CDH18: variants seen among roughly 807,000 people sequenced by gnomAD.
CDH18 encodes cadherin 18.
In CDH18, 31 loss-of-function variants were observed where a neutral mutation model predicts 67.9. The ratio of observed to expected loss-of-function variants is 0.46; its 90% CI spans 0.34 to 0.62. The LOEUF (loss-of-function observed/expected upper bound fraction) is 0.62. Among genes scored for constraint, CDH18 ranks in the 20% least tolerant of loss-of-function variants. The probability of loss-of-function intolerance (pLI) is 0.01; values close to 1 mark genes in which losing one functional copy is unlikely to be tolerated. For missense variants in CDH18, 890 were observed against 975.5 expected (o/e 0.91, Z 1.17); for synonymous variants, 362 against 347.2 (o/e 1.04, Z -0.48).
At chr5:19,738,127 C>T (rs1768601731) in intron 4 of CDH18, among the ~76,000 whole-genome samples, 1 of 151,906 alleles carries the variant, frequency 6.6e-6, no homozygotes, top group African/African-American at 2.4e-5. Flanking sequence ...TTATTTATTA[C>T]CTATTTAGTT....
chr5:20,475,957 T>C (rs1752410894), intron 1 of CDH18, among the ~76,000 whole-genome samples: 1 of 152,126 alleles, frequency 6.6e-6, no homozygotes, highest in Non-Finnish European at 1.5e-5. Flanking sequence ...TCACAATAGT[T>C]TCAGGAGTCT....
chr5:20,537,648 A>C (rs1041431884), intron 1 of CDH18, among the ~76,000 whole-genome samples: 2 of 152,166 alleles, frequency 1.3e-5, no homozygotes, highest in African/African-American at 4.8e-5. Flanking sequence ...TAAAAAACTC[A>C]AAGTCTTACT....
chr5:20,137,571 G>A (rs1231554496), intron 2 of CDH18, among the ~76,000 whole-genome samples: 1 of 151,978 alleles, frequency 6.6e-6, no homozygotes, highest in East Asian at 1.9e-4. Flanking sequence ...CTGATCTTCT[G>A]AGGCCTACTT....
rs977688368 is a variant in CDH18, at chr5:20,453,984, C to G, written c.-580+121478G>C. Among the ~76,000 whole-genome samples the G allele has an allele frequency of 3.9e-5, 6 of 152,170 alleles. No individual in the cohort carries two copies. In the East Asian group the frequency reaches 1.2e-3, roughly 29 times the overall value. On this transcript the variant is annotated intron_variant, in intron 1 of 14. Transcript: ENST00000507958. ...TGAATGAGGCAAATAAGTCAGACTA[C>G]TGTTATGGAAAAGACTATATGCTCT...
chr5:20,168,274 T>A (rs1736448938), intron 2 of CDH18, among the ~76,000 whole-genome samples: 1 of 152,174 alleles, frequency 6.6e-6, no homozygotes, highest in South Asian at 2.1e-4. Context: ...AAAATTATTA[T>A]AATCTACCTT....
chr5:19,764,953 A>T (rs1205692062), intron 3 of CDH18, among the ~76,000 whole-genome samples: 1 of 152,126 alleles, frequency 6.6e-6, no homozygotes, highest in Non-Finnish European at 1.5e-5. Context: ...AGGCCATTTC[A>T]TCAAGTTTTC....
At chr5:20,304,938 T>C (rs1736288497) in intron 1 of CDH18, 8 of 1,613,658 alleles carry the variant, frequency 5.0e-6, no homozygotes, top group Middle Eastern at 1.7e-4. Flanking sequence ...CGTGCTTCAC[T>C]ATCCAATCCC....
intron 2 of CDH18, among the ~76,000 whole-genome samples, chr5:20,070,512 G>A (rs1046512799): frequency 2.6e-5 from 4 of 152,048 alleles, no homozygotes; most frequent in Non-Finnish European, 4.4e-5. Flanking sequence ...TAACCAGAGC[G>A]GTATTAGGGA....
chr5:20,077,929 T>A (rs761563350), intron 2 of CDH18, among the ~76,000 whole-genome samples: 5 of 152,140 alleles, frequency 3.3e-5, no homozygotes, highest in Non-Finnish European at 5.9e-5. Context: ...TAAATTAAAT[T>A]AAATTTATTT....
At chr5:20,157,887 T>G (rs377140388) in intron 2 of CDH18, among the ~76,000 whole-genome samples, 29 of 152,026 alleles carry the variant, frequency 1.9e-4, no homozygotes, top group South Asian at 6.2e-4. Flanking sequence ...TGATCTGCCC[T>G]CCTTGGCCTC....
chr5:20,409,742 T>C (rs113969639), intron 1 of CDH18, among the ~76,000 whole-genome samples: 2 of 151,548 alleles, frequency 1.3e-5, no homozygotes, highest in African/African-American at 4.8e-5. Flanking sequence ...AAAGTTGACA[T>C]ATCCTTAGCT....
chr5:19,805,124 TA>T (rs1306270924), intron 3 of CDH18, among the ~76,000 whole-genome samples: 1 of 151,956 alleles, frequency 6.6e-6, no homozygotes, highest in African/African-American at 2.4e-5. Context: ...TTTTTGTATT[TA>T]TTGAGGAGAT....
intron 1 of CDH18, among the ~76,000 whole-genome samples, chr5:20,459,642 G>A (rs1198434257): frequency 6.6e-6 from 1 of 152,102 alleles, no homozygotes; most frequent in African/African-American, 2.4e-5. Flanking sequence ...GATGGGCTCT[G>A]GGCATGTTTT....
intron 2 of CDH18, among the ~76,000 whole-genome samples, chr5:20,115,927 T>C (rs1747870796): frequency 1.3e-5 from 2 of 152,094 alleles, no homozygotes; most frequent in African/African-American, 4.8e-5. Context: ...TGAGTAAAAT[T>C]CTTCAATTCT....
intron 2 of CDH18, among the ~76,000 whole-genome samples, chr5:20,006,372 C>T (rs1430145042): frequency 6.6e-6 from 1 of 151,662 alleles, no homozygotes; most frequent in African/African-American, 2.4e-5. Flanking sequence ...ATATTTTCTA[C>T]CAAAAGAATT....
At chr5:20,115,976 G>A (rs1159553648) in intron 2 of CDH18, among the ~76,000 whole-genome samples, 1 of 152,108 alleles carries the variant, frequency 6.6e-6, no homozygotes, top group Non-Finnish European at 1.5e-5. Flanking sequence ...TAAGTATTAG[G>A]TTGGTGCAAA....
intron 3 of CDH18, among the ~76,000 whole-genome samples, chr5:19,821,180 T>C (rs1779831121): frequency 6.6e-6 from 1 of 151,950 alleles, no homozygotes; most frequent in African/African-American, 2.4e-5. Flanking sequence ...CAAGAGAAAG[T>C]TGAAACCCAA....
intron 1 of CDH18, among the ~76,000 whole-genome samples, chr5:20,411,951 A>C: frequency 6.6e-6 from 1 of 152,192 alleles, no homozygotes; most frequent in East Asian, 1.9e-4. Flanking sequence ...TAAAATAGTC[A>C]TACTGCTGAA....
At chr5:20,227,764 A>AG (rs1381213611) in intron 2 of CDH18, among the ~76,000 whole-genome samples, 29 of 152,162 alleles carry the variant, frequency 1.9e-4, no homozygotes, top group African/African-American at 6.5e-4. Context: ...CTGGGATTAC[A>AG]GGGATGAGCC....
Sources: gnomAD v4.1 joint callset for allele counts (sites outside exome capture counted in the v4.1 genomes callset) on GRCh38, gnomAD v4.1.1 for gene constraint, MANE v1.5 for transcripts, NCBI Gene and HGNC (gene_info 2026-07-23, HGNC 2026-07-21) for gene names.